CACNA2D3: variants seen among roughly 807,000 people sequenced by gnomAD.
CACNA2D3 encodes calcium voltage-gated channel auxiliary subunit alpha2delta 3, also known as voltage-dependent calcium channel subunit alpha-2/delta-3.
Under a neutral mutation model 160.6 loss-of-function variants are expected in CACNA2D3, and 60 were observed. The ratio of observed to expected loss-of-function variants is 0.37; its 90% CI spans 0.30 to 0.46. The LOEUF (loss-of-function observed/expected upper bound fraction) is 0.46. Ranked by LOEUF, CACNA2D3 falls within the 20% of genes least tolerant of loss-of-function variation. The pLI is 1.00. For missense variants in CACNA2D3, 1,205 were observed against 1,365.0 expected (o/e 0.88, Z 1.85); for synonymous variants, 558 against 492.9 (o/e 1.13, Z -1.75).
chr3:54,518,759 A>AT (rs34463115), intron 5 of CACNA2D3, among the ~76,000 whole-genome samples: 97,377 of 152,042 alleles, frequency 0.64, 31,456 homozygotes, highest in African/African-American at 0.66. Flanking sequence ...TTTTTCAACC[A>AT]TTTTTCCCCT....
At chr3:54,330,210 A>ATG (rs10591706) in intron 3 of CACNA2D3, among the ~76,000 whole-genome samples, 4,806 of 146,640 alleles carry the variant, frequency 0.033, 99 homozygotes, top group East Asian at 0.096. Context: ...TTTAATTGAT[A>ATG]TGTGTGTGTG....
chr3:54,941,330 TAAATG>T (rs1701461019), intron 27 of CACNA2D3, among the ~76,000 whole-genome samples: 1 of 152,144 alleles, frequency 6.6e-6, no homozygotes, highest in Non-Finnish European at 1.5e-5. Context: ...ATGACTGAAT[TAAATG>T]AAAAAGAATC....
At chr3:54,597,561 C>G (rs1702979290) in intron 9 of CACNA2D3, among the ~76,000 whole-genome samples, 2 of 152,106 alleles carry the variant, frequency 1.3e-5, no homozygotes, top group African/African-American at 2.4e-5. Context: ...TAAGGAAATA[C>G]TAGATTTCTT....
rs1030130375 is a variant in CACNA2D3, at chr3:54,626,376, C to G, written c.964-1411C>G. 107 of 1,564,894 alleles carry G rather than the reference C, an allele frequency of 6.8e-5. No homozygotes were observed. In the Admixed American group the frequency reaches 1.2e-3, roughly 17 times the overall value. Reference sequence around the variant, plus strand: ...GGGGCCTGCGGCGGAAGCAGCACTCCCTGCTGAAGTGCCTGCGCAAGGCCA... The same window carrying G: ...GGGGCCTGCGGCGGAAGCAGCACTCGCTGCTGAAGTGCCTGCGCAAGGCCA... On this transcript the variant is annotated intron_variant, in intron 9 of 37. Coordinates refer to ENST00000474759, the MANE Select transcript of CACNA2D3 (RefSeq NM_018398.3).
chr3:54,944,201 C>G (rs1480161011), intron 27 of CACNA2D3, among the ~76,000 whole-genome samples: 1 of 151,880 alleles, frequency 6.6e-6, no homozygotes, highest in Non-Finnish European at 1.5e-5. Context: ...TGTGAGTTCA[C>G]TTCATTCATT....
intron 8 of CACNA2D3, among the ~76,000 whole-genome samples, chr3:54,573,457 C>G (rs1164771151): frequency 1.3e-5 from 2 of 152,194 alleles, no homozygotes; most frequent in African/African-American, 4.8e-5. Flanking sequence ...TATATGAGCA[C>G]ACAGTCTTTT....
intron 3 of CACNA2D3, among the ~76,000 whole-genome samples, chr3:54,334,234 T>A (rs2107520503): frequency 6.6e-6 from 1 of 151,300 alleles, no homozygotes; most frequent in South Asian, 2.1e-4. Context: ...TTACAGGCGC[T>A]CGCCACGACG....
chr3:54,374,975 A>G (rs868501871), intron 3 of CACNA2D3, among the ~76,000 whole-genome samples: 1 of 152,044 alleles, frequency 6.6e-6, no homozygotes. Flanking sequence ...TAATCTTCAT[A>G]TGCCAAGCCA....
intron 35 of CACNA2D3, among the ~76,000 whole-genome samples, chr3:55,049,216 T>C (rs1193062657): frequency 6.6e-6 from 1 of 150,850 alleles, no homozygotes; most frequent in Admixed American, 6.6e-5. Context: ...TTTGGATCTT[T>C]CCTGCTTTCT....
chr3:55,065,361 G>A (rs1232498673), intron 35 of CACNA2D3, among the ~76,000 whole-genome samples: 7 of 151,846 alleles, frequency 4.6e-5, no homozygotes, highest in African/African-American at 1.7e-4. Flanking sequence ...CTAATTTAAA[G>A]TTGGAAATCC....
At chr3:54,765,706 T>A (rs1253643802) in intron 13 of CACNA2D3, among the ~76,000 whole-genome samples, 1 of 152,168 alleles carries the variant, frequency 6.6e-6, no homozygotes, top group East Asian at 1.9e-4. Flanking sequence ...TCATTTTATT[T>A]GTTTCATCAA....
intron 4 of CACNA2D3, among the ~76,000 whole-genome samples, chr3:54,502,900 C>T (rs1701315810): frequency 6.6e-6 from 1 of 152,178 alleles, no homozygotes; most frequent in African/African-American, 2.4e-5. Flanking sequence ...CCAGCACACT[C>T]CCATCTGAGG....
At chr3:54,775,459 C>T (rs989446884) in intron 13 of CACNA2D3, among the ~76,000 whole-genome samples, 3 of 152,170 alleles carry the variant, frequency 2.0e-5, no homozygotes, top group Non-Finnish European at 4.4e-5. Flanking sequence ...CAGGGAGACT[C>T]TGAAGCATTG....
chr3:54,677,040 A>G (rs375455929), intron 11 of CACNA2D3, among the ~76,000 whole-genome samples: 7 of 152,312 alleles, frequency 4.6e-5, no homozygotes, highest in African/African-American at 1.7e-4. Flanking sequence ...GAGATTCAGA[A>G]AGGAGTTGAT....
chr3:54,478,660 G>GTGTATATATATATATATATATATTGC, intron 4 of CACNA2D3, among the ~76,000 whole-genome samples: 8 of 36,358 alleles, frequency 2.2e-4, no homozygotes, highest in African/African-American at 5.8e-4. Context: ...ATATGTGTGT[G>GTGTATATATATATATATATATATTGC]TATATATATA....
intron 13 of CACNA2D3, among the ~76,000 whole-genome samples, chr3:54,784,700 G>T (rs754967924): frequency 6.6e-6 from 1 of 152,180 alleles, no homozygotes; most frequent in Non-Finnish European, 1.5e-5. Context: ...TTCCGTAGAA[G>T]AAGATGGGAC....
intron 35 of CACNA2D3, among the ~76,000 whole-genome samples, chr3:55,028,409 C>T (rs1703610713): frequency 6.6e-6 from 1 of 152,090 alleles, no homozygotes. Flanking sequence ...CATCCAATAC[C>T]CCACTGATTA....
At chr3:54,430,308 C>T (rs189507030) in intron 4 of CACNA2D3, among the ~76,000 whole-genome samples, 2 of 152,250 alleles carry the variant, frequency 1.3e-5, no homozygotes, top group Admixed American at 1.3e-4. Context: ...AAAAACATTA[C>T]TGATATGTTC....
intron 18 of CACNA2D3, 142 bp from the exon 19 acceptor site, chr3:54,878,875 AG>A: frequency 1.9e-6 from 1 of 533,834 alleles, no homozygotes; most frequent in South Asian, 3.1e-5. Context: ...GTACATGAGC[AG>A]TTGGGTGTTT....
Sources: allele counts gnomAD v4.1 joint callset (sites outside exome capture counted in the v4.1 genomes callset), GRCh38; gene constraint gnomAD v4.1.1; transcripts MANE v1.5; gene names NCBI Gene and HGNC (gene_info 2026-07-23, HGNC 2026-07-21).